Variants in SFT2D2 observed in about 807,000 individuals in gnomAD.
SFT2D2 encodes the protein vesicle transport protein SFT2B.
In SFT2D2, 21 loss-of-function variants were observed where a neutral mutation model predicts 27.4. The observed-to-expected ratio is 0.77, with a 90% CI of 0.54 to 1.10. The LOEUF (loss-of-function observed/expected upper bound fraction) is 1.10, where lower values mean the gene tolerates loss of function less well. Ranked by LOEUF, SFT2D2 falls within the 50% of genes least tolerant of loss-of-function variation. The pLI is 0.00. For missense variants in SFT2D2, 187 were observed against 194.2 expected, an observed-to-expected ratio of 0.96 and a Z score of 0.22; for synonymous variants, 72 against 71.7, an observed-to-expected ratio of 1.00 and a Z score of -0.02.
rs866821069 is a variant in SFT2D2 at position 168,246,529 on chromosome 1, G to A, written c.*3989G>A. ...ATGGAGCTCAGTTTTGAGGCACCTGGACTTACTCTCAGCTTTAGAAAGTTG... is the reference window on the plus strand; with the variant it reads ...ATGGAGCTCAGTTTTGAGGCACCTGAACTTACTCTCAGCTTTAGAAAGTTG... On this transcript the variant is annotated 3_prime_UTR_variant, in exon 8 of 8. Transcript: ENST00000271375. 3.3e-6 allele frequency: 5 copies of A among 1,498,480 alleles called. No individual in the cohort carries two copies. The highest frequency in any genetic ancestry group is 2.2e-4 in the Middle Eastern group (1 of 4,506). The allele number at this position is 1,498,480 out of a possible 1,614,324, so 92.8% of individuals were successfully genotyped here.
chr1:168,228,211 T>G (rs1391879233), intron 1 of SFT2D2, among the ~76,000 whole-genome samples: 1 of 152,228 alleles, frequency 6.6e-6, no homozygotes, highest in Non-Finnish European at 1.5e-5. Flanking sequence ...TGTTTACTGA[T>G]TAGGTCAGAG....
chr1:168,228,340 G>A (rs367934117), intron 1 of SFT2D2, among the ~76,000 whole-genome samples: 165 of 152,252 alleles, frequency 1.1e-3, no homozygotes, highest in African/African-American at 3.7e-3. Context: ...TGAATTAGGC[G>A]CTCTTAAAAT....
rs1475764429 is a variant in SFT2D2 at position 168,244,740 on chromosome 1, A to C, written c.*2200A>C. 2 of 152,124 alleles carry C rather than the reference A, an allele frequency of 1.3e-5. No homozygotes were observed. The highest frequency in any genetic ancestry group is 2.9e-5 in the Non-Finnish European group (2 of 68,050). The allele number at this position is 152,124 out of a possible 1,614,324, so 9.4% of individuals were successfully genotyped here. A position where few individuals can be genotyped will look rare whatever the true frequency, so the allele number is the denominator to read the frequency against. On this transcript the variant is annotated 3_prime_UTR_variant, in exon 8 of 8. Transcript: ENST00000271375. ...GACATGGAGGAGGTCAGGAGGGCTC[A>C]TGGTTCCTTTTCTTTAGAACTGATA... is the stretch of plus-strand genomic sequence containing the variant.
chr1:168,227,318 T>C (rs1700472658), intron 1 of SFT2D2, among the ~76,000 whole-genome samples: 1 of 152,232 alleles, frequency 6.6e-6, no homozygotes, highest in Non-Finnish European at 1.5e-5. Context: ...GTTAAGATGA[T>C]ATGGCCAACT....
At chr1:168,237,593 T>C (rs532193193) in intron 6 of SFT2D2, among the ~76,000 whole-genome samples, 4 of 152,180 alleles carry the variant, frequency 2.6e-5, no homozygotes, top group African/African-American at 9.6e-5. Context: ...TTGAAAAAAA[T>C]GTTTGCTACA....
chr1:168,240,007 C>G (rs1479890681), intron 7 of SFT2D2, among the ~76,000 whole-genome samples: 2 of 151,862 alleles, frequency 1.3e-5, no homozygotes. Context: ...AACCCCGTCT[C>G]TACTGAAAAT....
At position 168,251,661 on chromosome 1, in the gene SFT2D2, C is replaced by T. The variant is rs1647955751; in HGVS notation, c.*9121C>T. On this transcript the variant is annotated 3_prime_UTR_variant, in exon 8 of 8. Transcript: ENST00000271375. ...TTTTAAGAATCAGTGTTTAAAGGTA[C>T]GTGAAACCATTTGCTAGATTTTTGT... 1 of 150,474 alleles carries T rather than the reference C, an allele frequency of 6.6e-6. No individual in the cohort carries two copies. Among genetic ancestry groups the T allele is most frequent in the Non-Finnish European group, 1.5e-5 (1 of 67,760 alleles). 9.3% of individuals were successfully genotyped at this position (150,474 alleles called of 1,614,324 possible).
At chr1:168,228,058 A>G (rs544732279) in intron 1 of SFT2D2, among the ~76,000 whole-genome samples, 1 of 152,320 alleles carries the variant, frequency 6.6e-6, no homozygotes, top group Non-Finnish European at 1.5e-5. Flanking sequence ...CTTGTTTTAA[A>G]ATACTTTGGT....
In SFT2D2 at chr1:168,242,841, A is replaced by G. The variant is rs115649124; in HGVS notation, c.*301A>G. 1.8e-3 allele frequency: 727 copies of G among 397,266 alleles called. 2 individuals carry two copies. The highest frequency in any genetic ancestry group is 0.014 in the African/African-American group (691 of 48,942). The allele number at this position is 397,266 out of a possible 1,614,324, so 24.6% of individuals were successfully genotyped here. On this transcript the variant is annotated 3_prime_UTR_variant, in exon 8 of 8. Coordinates refer to ENST00000271375, the MANE Select transcript of SFT2D2 (RefSeq NM_199344.3). ...AATTCCCATGAATACAAACCTATTC[A>G]GCAACAGCACATAAGCCTTGGGTGC...
intron 1 of SFT2D2, among the ~76,000 whole-genome samples, chr1:168,226,774 C>A (rs1171878042): frequency 6.6e-6 from 1 of 152,136 alleles, no homozygotes; most frequent in Admixed American, 6.5e-5. Context: ...AGACACCCAG[C>A]GCCTCAGGAG....
chr1:168,234,131 C>T (rs535453331), intron 3 of SFT2D2, among the ~76,000 whole-genome samples: 1 of 152,326 alleles, frequency 6.6e-6, no homozygotes, highest in South Asian at 2.1e-4. Flanking sequence ...GGCGCAGTGG[C>T]TCACGCCTAT....
intron 3 of SFT2D2, among the ~76,000 whole-genome samples, chr1:168,232,413 C>T (rs1258485478): frequency 6.6e-6 from 1 of 152,216 alleles, no homozygotes; most frequent in Admixed American, 6.5e-5. Flanking sequence ...TTTTCCAGGT[C>T]AAGCTCATTC....
At position 168,248,966 on chromosome 1, in the gene SFT2D2, G is replaced by T. The variant is rs1049670130; in HGVS notation, c.*6426G>T. The T allele has an allele frequency of 6.6e-6, 1 of 151,754 alleles. No homozygotes were observed. Among genetic ancestry groups the T allele is most frequent in the Admixed American group, 6.6e-5 (1 of 15,242 alleles). 9.4% of individuals were successfully genotyped at this position (151,754 alleles called of 1,614,324 possible). A position where few individuals can be genotyped will look rare whatever the true frequency, so the allele number is the denominator to read the frequency against. On this transcript the variant is annotated 3_prime_UTR_variant, in exon 8 of 8. Transcript: ENST00000271375. ...GTATCATTTTTTATTGCATTTATTTGATTCTTCTCTCTTTTCTTCTTTATT... is the reference window on the plus strand; with the variant it reads ...GTATCATTTTTTATTGCATTTATTTTATTCTTCTCTCTTTTCTTCTTTATT...
rs761092261 is a variant in SFT2D2 at position 168,246,729 on chromosome 1, C to T, written c.*4189C>T. 9 of 917,174 alleles carry T rather than the reference C, an allele frequency of 9.8e-6. No homozygotes were observed. Among genetic ancestry groups the T allele is most frequent in the Non-Finnish European group, 1.6e-5 (9 of 576,918 alleles). 56.8% of individuals were successfully genotyped at this position (917,174 alleles called of 1,614,324 possible). A position where few individuals can be genotyped will look rare whatever the true frequency, so the allele number is the denominator to read the frequency against. ...ATTCCATTTCGTCAGTCTTTGCCTG[C>T]TTTGTTTTTCCTTCTCCAGTTTAGA... On this transcript the variant is annotated 3_prime_UTR_variant, in exon 8 of 8. Transcript: ENST00000271375.
At chr1:168,238,311 T>C (rs893880442) in intron 6 of SFT2D2, among the ~76,000 whole-genome samples, 1 of 152,086 alleles carries the variant, frequency 6.6e-6, no homozygotes, top group African/African-American at 2.4e-5. Flanking sequence ...AGCAGAAAAT[T>C]TATCCCAATT....
chr1:168,240,154 G>A (rs528688102), intron 7 of SFT2D2, among the ~76,000 whole-genome samples: 88 of 139,414 alleles, frequency 6.3e-4, no homozygotes, highest in Admixed American at 2.5e-3. Flanking sequence ...CAGCCTGGGC[G>A]ACAGAGCGAG....
rs1418314718 is a variant in SFT2D2 at position 168,247,611 on chromosome 1, T to G, written c.*5071T>G. 6.6e-6 allele frequency: 1 copy of G among 152,628 alleles called. No homozygotes were observed. Among genetic ancestry groups the G allele is most frequent in the Non-Finnish European group, 1.5e-5 (1 of 68,378 alleles). The allele number at this position is 152,628 out of a possible 1,614,324, so 9.5% of individuals were successfully genotyped here. On this transcript the variant is annotated 3_prime_UTR_variant, in exon 8 of 8. Transcript: ENST00000271375. ...TGGGTTGGTTCCAAGTCTTTGCTGT[T>G]GTGAACAATGCTGCAGTAAACATAC...
chr1:168,235,308 C>A, intron 4 of SFT2D2, 126 bp downstream of exon 4: 1 of 892,108 alleles, frequency 1.1e-6, no homozygotes, highest in Non-Finnish European at 1.8e-6. Context: ...TTACCCTATT[C>A]CTATAACCAT....
In SFT2D2 at chr1:168,228,545, T is replaced by G. The variant is rs558083117; in HGVS notation, c.63+2403T>G. Among the ~76,000 whole-genome samples, 4 of 152,362 alleles carry G rather than the reference T, an allele frequency of 2.6e-5. No individual in the cohort carries two copies. The South Asian group carries it at 8.3e-4, about 32-fold the overall frequency. ...TCTTCATAAATACACCTTAAGTCTTTAGTTTCAATGGACTTCTTTCTGAAA... is the reference window on the plus strand; with the variant it reads ...TCTTCATAAATACACCTTAAGTCTTGAGTTTCAATGGACTTCTTTCTGAAA... On this transcript the variant is annotated intron_variant, in intron 1 of 7. Transcript: ENST00000271375.
Sources: gnomAD v4.1 joint callset for allele counts (sites outside exome capture counted in the v4.1 genomes callset) on GRCh38, gnomAD v4.1.1 for gene constraint, MANE v1.5 for transcripts, NCBI Gene and HGNC (gene_info 2026-07-23, HGNC 2026-07-21) for gene names.